Variants in SORCS3 observed in about 807,000 individuals in gnomAD.
SORCS3 encodes the protein sortilin related VPS10 domain containing receptor 3, also known as VPS10 domain-containing receptor SorCS3.
In SORCS3, 57 loss-of-function variants were observed where a neutral mutation model predicts 146.3. The observed-to-expected ratio is 0.39, with a 90% CI of 0.31 to 0.49. The LOEUF is 0.49. Ranked by LOEUF, SORCS3 falls within the 20% of genes least tolerant of loss-of-function variation. The probability of loss-of-function intolerance (pLI) is 0.92; values close to 1 mark genes in which losing one functional copy is unlikely to be tolerated. For synonymous variants in SORCS3, 653 were observed against 618.5 expected (o/e 1.06, Z -0.83); for missense variants, 1,341 against 1,575.5 (o/e 0.85, Z 2.52).
At chr10:104,926,832 G>T (rs539028663) in intron 3 of SORCS3, among the ~76,000 whole-genome samples, 14 of 152,236 alleles carry the variant, frequency 9.2e-5, no homozygotes, top group South Asian at 2.1e-4. Context: ...TTATTTAAAG[G>T]CTCATTAAAA....
At chr10:105,126,178 A>G (rs1053417522) in intron 7 of SORCS3, among the ~76,000 whole-genome samples, 1 of 152,124 alleles carries the variant, frequency 6.6e-6, no homozygotes, top group Non-Finnish European at 1.5e-5. Context: ...ACTTTTTGTT[A>G]AATATGTCAA....
chr10:105,137,712 A>G (rs2056068426), intron 7 of SORCS3, among the ~76,000 whole-genome samples: 1 of 152,162 alleles, frequency 6.6e-6, no homozygotes, highest in Non-Finnish European at 1.5e-5. Flanking sequence ...CCCAACTCAG[A>G]TCTATTGAAT....
intron 3 of SORCS3, among the ~76,000 whole-genome samples, chr10:104,940,238 A>ATATATATATATTTTTTT (rs1435205868): frequency 3.2e-5 from 1 of 31,506 alleles, no homozygotes; most frequent in Non-Finnish European, 6.1e-5. Context: ...ATATATATAT[A>ATATATATATATTTTTTT]TTTTTTTTTT....
At chr10:104,652,361 T>C (rs1342463158) in intron 1 of SORCS3, among the ~76,000 whole-genome samples, 1 of 152,200 alleles carries the variant, frequency 6.6e-6, no homozygotes, top group Non-Finnish European at 1.5e-5. Flanking sequence ...GTAGATGTGA[T>C]ATTAGGTCAG....
chr10:104,843,185 C>A (rs2018163236), intron 2 of SORCS3, among the ~76,000 whole-genome samples: 1 of 152,256 alleles, frequency 6.6e-6, no homozygotes, highest in South Asian at 2.1e-4. Flanking sequence ...GATTAGGAAG[C>A]CTGCTGTAGG....
intron 1 of SORCS3, among the ~76,000 whole-genome samples, chr10:104,777,320 C>G (rs142437726): frequency 1.3e-5 from 2 of 152,168 alleles, no homozygotes; most frequent in African/African-American, 2.4e-5. Context: ...GGCTGTCCTC[C>G]GGGGGTAGCT....
chr10:105,157,206 T>C lies in SORCS3; in HGVS notation c.1551T>C (p.Thr517=). 1 of 1,614,068 alleles carries C rather than the reference T, an allele frequency of 6.2e-7. No individual in the cohort carries two copies. The highest frequency in any genetic ancestry group is 8.5e-7 in the Non-Finnish European group (1 of 1,179,968). Residue 517 remains threonine, a synonymous_variant, in exon 10 of 27, where the codon ACT becomes ACC. Transcript: ENST00000369701. ...ACGACCAGGTGAAGACATACATCAC[T>C]TACAACAAAGGCAGGGATTGGCGCC... ...KVDDQVKTYI[T]YNKGRDWRLL...
intron 4 of SORCS3, among the ~76,000 whole-genome samples, chr10:105,009,970 G>A (rs1358214676): frequency 1.3e-5 from 2 of 152,072 alleles, no homozygotes; most frequent in Non-Finnish European, 2.9e-5. Flanking sequence ...ATACAGATGA[G>A]GAGATAAAAA....
intron 1 of SORCS3, among the ~76,000 whole-genome samples, chr10:104,649,875 G>A (rs574614742): frequency 1.3e-5 from 2 of 152,270 alleles, no homozygotes; most frequent in African/African-American, 2.4e-5. Flanking sequence ...CTCAGAATTG[G>A]CATCCATGAT....
At chr10:105,216,393 C>T (rs2056665292) in intron 18 of SORCS3, among the ~76,000 whole-genome samples, 1 of 152,026 alleles carries the variant, frequency 6.6e-6, no homozygotes, top group Non-Finnish European at 1.5e-5. Context: ...CAACTGAGGG[C>T]ATTATTATTG....
intron 7 of SORCS3, 90 bp from the exon 8 acceptor site, chr10:105,139,307 T>C (rs1301692421): frequency 1.6e-5 from 15 of 917,940 alleles, no homozygotes; most frequent in Non-Finnish European, 2.3e-5. Flanking sequence ...TACAAACCCA[T>C]TGTGGTTGTT....
At chr10:105,191,783 G>A (rs1264634342) in intron 14 of SORCS3, among the ~76,000 whole-genome samples, 2 of 152,110 alleles carry the variant, frequency 1.3e-5, no homozygotes, top group African/African-American at 2.4e-5. Flanking sequence ...TAGGGTTCAT[G>A]CTCCTGTGAG....
chr10:105,092,356 G>GT (rs1401289772), intron 6 of SORCS3, among the ~76,000 whole-genome samples: 6 of 152,130 alleles, frequency 3.9e-5, no homozygotes, highest in African/African-American at 1.4e-4. Context: ...CATCTTCTAG[G>GT]TTTTTTATTT....
At chr10:104,712,460 A>ATGC (rs774801790) in intron 1 of SORCS3, among the ~76,000 whole-genome samples, 8 of 152,218 alleles carry the variant, frequency 5.3e-5, no homozygotes, top group Non-Finnish European at 1.2e-4. Flanking sequence ...CATTTGCATG[A>ATGC]TGCTATTTTC....
At chr10:104,960,853 C>T (rs2054791712) in intron 3 of SORCS3, among the ~76,000 whole-genome samples, 1 of 152,002 alleles carries the variant, frequency 6.6e-6, no homozygotes, top group South Asian at 2.1e-4. Context: ...GAAAACCTCC[C>T]CCTTTTTTGA....
intron 1 of SORCS3, among the ~76,000 whole-genome samples, chr10:104,701,698 G>T (rs976202554): frequency 6.6e-6 from 1 of 152,202 alleles, no homozygotes; most frequent in African/African-American, 2.4e-5. Flanking sequence ...AATCCTAAGT[G>T]CAGTGGTAAT....
intron 4 of SORCS3, among the ~76,000 whole-genome samples, chr10:104,988,607 A>G (rs888424365): frequency 6.6e-5 from 10 of 152,222 alleles, no homozygotes; most frequent in African/African-American, 2.4e-4. Context: ...TGTCATTTAA[A>G]TAGGTAATAC....
At chr10:104,790,518 A>T (rs1443935877) in intron 1 of SORCS3, among the ~76,000 whole-genome samples, 1 of 152,076 alleles carries the variant, frequency 6.6e-6, no homozygotes, top group Non-Finnish European at 1.5e-5. Context: ...CTCAAATATC[A>T]CCTTTTCCCT....
At chr10:104,683,886 A>C (rs2016011109) in intron 1 of SORCS3, among the ~76,000 whole-genome samples, 1 of 152,198 alleles carries the variant, frequency 6.6e-6, no homozygotes, top group African/African-American at 2.4e-5. Flanking sequence ...TGGGGATACA[A>C]GATAGTAAGA....
Sources: allele counts gnomAD v4.1 joint callset (sites outside exome capture counted in the v4.1 genomes callset), GRCh38; gene constraint gnomAD v4.1.1; transcripts MANE v1.5; gene names NCBI Gene and HGNC (gene_info 2026-07-23, HGNC 2026-07-21).